SCRN3: variants seen among roughly 807,000 people sequenced by gnomAD.
SCRN3 encodes secernin-3.
A neutral mutation model predicts 43.1 loss-of-function variants in SCRN3; 39 were observed. The ratio of observed to expected loss-of-function variants is 0.91; its 90% confidence interval spans 0.70 to 1.18. The LOEUF (loss-of-function observed/expected upper bound fraction) is 1.18, where lower values mean the gene tolerates loss of function less well. Ranked by LOEUF, SCRN3 falls within the 50% of genes most tolerant of loss-of-function variation. The probability of loss-of-function intolerance (pLI) is 0.00; values close to 1 mark genes in which losing one functional copy is unlikely to be tolerated. For missense variants in SCRN3, 484 were observed against 498.0 expected, an observed-to-expected ratio of 0.97 and a Z score of 0.27; for synonymous variants, 147 against 163.1, an observed-to-expected ratio of 0.90 and a Z score of 0.75.
At chr2:174,415,248 T>C (rs1197041844) in intron 5 of SCRN3, among the ~76,000 whole-genome samples, 1 of 145,340 alleles carries the variant, frequency 6.9e-6, no homozygotes, top group African/African-American at 2.4e-5. Flanking sequence ...TGCTTATCAA[T>C]AGAGGATTTT....
At chr2:174,404,412 GT>G (rs1685618548) in intron 5 of SCRN3, 97 bp downstream of exon 5, 3 of 752,550 alleles carry the variant, frequency 4.0e-6, no homozygotes, top group Non-Finnish European at 6.2e-6. Context: ...ATTATAATTA[GT>G]AAAAATATTG....
chr2:174,412,506 G>T (rs1685956679), intron 5 of SCRN3, among the ~76,000 whole-genome samples: 1 of 152,170 alleles, frequency 6.6e-6, no homozygotes, highest in Non-Finnish European at 1.5e-5. Flanking sequence ...CCCATCTAGA[G>T]GAATTGTGGT....
intron 4 of SCRN3, among the ~76,000 whole-genome samples, chr2:174,401,517 A>C (rs1469672631): frequency 1.3e-5 from 2 of 152,134 alleles, no homozygotes; most frequent in Non-Finnish European, 2.9e-5. Context: ...TTTGGGCTGC[A>C]CTCCAAAATC....
At position 174,405,678 on chromosome 2, in the gene SCRN3, C is replaced by T. The variant is rs1333472654; in HGVS notation, c.754+1363C>T. Among the ~76,000 whole-genome samples the T allele has an allele frequency of 7.5e-5, 11 of 147,148 alleles. No homozygotes were observed. The Admixed American group carries it at 7.5e-4, about 10-fold the overall frequency. On this transcript the variant is annotated intron_variant, in intron 5 of 7. Transcript: ENST00000272732. Reference sequence around the variant, plus strand: ...TCCAGTTTCAGCTTCCTACATATGGCTAGCCAGTTTTCCCAGCACCATTTA... The same window carrying T: ...TCCAGTTTCAGCTTCCTACATATGGTTAGCCAGTTTTCCCAGCACCATTTA...
chr2:174,403,591 C>A (rs1350721166), intron 4 of SCRN3, among the ~76,000 whole-genome samples: 1 of 152,078 alleles, frequency 6.6e-6, no homozygotes, highest in Non-Finnish European at 1.5e-5. Flanking sequence ...GAATTGTGCT[C>A]AGTAAAACCA....
At chr2:174,419,576 T>G (rs1019737415) in intron 5 of SCRN3, among the ~76,000 whole-genome samples, 1 of 151,470 alleles carries the variant, frequency 6.6e-6, no homozygotes, top group African/African-American at 2.4e-5. Flanking sequence ...GACGGCGGAC[T>G]TGCCATGTTG....
chr2:174,414,269 CAT>C (rs1265453093), intron 5 of SCRN3, among the ~76,000 whole-genome samples: 3 of 152,274 alleles, frequency 2.0e-5, no homozygotes, highest in East Asian at 3.9e-4. Flanking sequence ...AATATATTCA[CAT>C]GATTCAAAAT....
chr2:174,424,614 C>T lies in SCRN3; in HGVS notation c.1057C>T (p.His353Tyr). 1 of 1,612,718 alleles carries T rather than the reference C, an allele frequency of 6.2e-7. No homozygotes were observed. Among genetic ancestry groups the T allele is most frequent in the Non-Finnish European group, 8.5e-7 (1 of 1,179,218 alleles). The part of the protein sequence containing the change: ...PDRRHPLYQK[H>Y]QQALEVVNNN... ...CAGAAGACACCCACTCTACCAAAAACATCAACAGGCATTGGAAGTAGTAAA... is the reference window on the plus strand; with the variant it reads ...CAGAAGACACCCACTCTACCAAAAATATCAACAGGCATTGGAAGTAGTAAA... The change falls in exon 7 of 8, where the codon CAT becomes TAT. Residue 353 changes from histidine to tyrosine, a missense_variant. Physicochemically the swap from His to Tyr is moderately conservative, Grantham distance 83. Coordinates refer to ENST00000272732, the MANE Select transcript of SCRN3 (RefSeq NM_024583.5).
intron 4 of SCRN3, among the ~76,000 whole-genome samples, chr2:174,401,489 A>G (rs933938990): frequency 6.6e-6 from 1 of 152,116 alleles, no homozygotes; most frequent in Non-Finnish European, 1.5e-5. Flanking sequence ...ATCCCTTACA[A>G]TTTCTTCCCC....
intron 5 of SCRN3, among the ~76,000 whole-genome samples, chr2:174,414,051 G>A (rs1157952618): frequency 6.6e-6 from 1 of 152,122 alleles, no homozygotes; most frequent in Admixed American, 6.6e-5. Flanking sequence ...GCTTCATTCT[G>A]TCTCCCAACT....
Position 174,429,319 on chromosome 2 carries a change from C to T in SCRN3, c.*1424C>T, listed in dbSNP as rs188329795. 9.2e-5 allele frequency: 14 copies of T among 152,278 alleles called. No individual in the cohort carries two copies. In the East Asian group the frequency reaches 2.1e-3, roughly 23 times the overall value. 9.4% of individuals were successfully genotyped at this position (152,278 alleles called of 1,614,324 possible). On this transcript the variant is annotated 3_prime_UTR_variant, in exon 8 of 8. Coordinates refer to ENST00000272732, the MANE Select transcript of SCRN3 (RefSeq NM_024583.5). Reference sequence around the variant, plus strand: ...CTGCCACCTTGGCCTAAACTAGCACCGTCTTTTAGCTAGACCATTGCGTTA... The same window carrying T: ...CTGCCACCTTGGCCTAAACTAGCACTGTCTTTTAGCTAGACCATTGCGTTA...
At chr2:174,403,793 A>G (rs916733646) in intron 4 of SCRN3, among the ~76,000 whole-genome samples, 6 of 152,178 alleles carry the variant, frequency 3.9e-5, no homozygotes, top group African/African-American at 1.4e-4. Flanking sequence ...AGCAATACCA[A>G]TATTCTGGTT....
At chr2:174,403,881 TA>T (rs563778195) in intron 4 of SCRN3, among the ~76,000 whole-genome samples, 5 of 144,620 alleles carry the variant, frequency 3.5e-5, no homozygotes, top group African/African-American at 1.2e-4. Flanking sequence ...CTCTCAGTAT[TA>T]TTTTTTTATA....
At position 174,428,627 on chromosome 2, in the gene SCRN3, ATC is replaced by A. The variant is rs1686569181; in HGVS notation, c.*739_*740del. On this transcript the variant is annotated 3_prime_UTR_variant, in exon 8 of 8. Transcript: ENST00000272732. ...AGGATATACTGTTTCTGGGTCTGAA[ATC>A]TCTCTCATTGTTTACTTCTGTTCAC... 6.6e-6 allele frequency: 1 copy of A among 152,198 alleles called. No homozygotes were observed. Among genetic ancestry groups the A allele is most frequent in the Non-Finnish European group, 1.5e-5 (1 of 68,024 alleles). 9.4% of individuals were successfully genotyped at this position (152,198 alleles called of 1,614,324 possible). A position where few individuals can be genotyped will look rare whatever the true frequency, so the allele number is the denominator to read the frequency against.
intron 7 of SCRN3, among the ~76,000 whole-genome samples, chr2:174,425,068 C>A (rs1385509101): frequency 6.6e-6 from 1 of 152,086 alleles, no homozygotes; most frequent in Non-Finnish European, 1.5e-5. Flanking sequence ...AGCGGTTGAC[C>A]TGGTTTCTTA....
rs543288478 is a variant in SCRN3 at position 174,418,095 on chromosome 2, A to T, written c.755-4790A>T. 1.4e-4 allele frequency among the ~76,000 whole-genome samples: 22 copies of T among 152,330 alleles called. No individual in the cohort carries two copies. In the South Asian group the frequency reaches 4.6e-3, roughly 32 times the overall value. On this transcript the variant is annotated intron_variant, in intron 5 of 7. Coordinates refer to ENST00000272732, the MANE Select transcript of SCRN3 (RefSeq NM_024583.5). The stretch of plus-strand genomic sequence containing the variant: ...TAATTGGACAAAAGAAAGAAAGAAA[A>T]AAGAAATAATTATAAGCCAATTAGC...
intron 7 of SCRN3, among the ~76,000 whole-genome samples, chr2:174,426,769 C>T (rs1019636342): frequency 2.1e-5 from 3 of 143,434 alleles, no homozygotes; most frequent in African/African-American, 7.5e-5. Context: ...GAGACTCCAT[C>T]TCCAAAACAA....
chr2:174,425,340 A>G lies in SCRN3; in HGVS notation c.1092+691A>G, dbSNP rs1004121726. Among the ~76,000 whole-genome samples the G allele has an allele frequency of 2.5e-4, 38 of 152,182 alleles. 2 individuals are homozygous for G. Among genetic ancestry groups the G allele is most frequent in the African/African-American group, 7.2e-5 (3 of 41,458 alleles). On this transcript the variant is annotated intron_variant, in intron 7 of 7. Coordinates refer to ENST00000272732, the MANE Select transcript of SCRN3 (RefSeq NM_024583.5). ...AGCTCGCTAAAGAAAAATAATGGAT[A>G]AGAAGCGAATAGAAAGGCTGCCTAA...
intron 5 of SCRN3, among the ~76,000 whole-genome samples, chr2:174,414,970 C>T (rs1686054498): frequency 6.6e-6 from 1 of 151,984 alleles, no homozygotes; most frequent in Non-Finnish European, 1.5e-5. Flanking sequence ...ACCGTGTTGG[C>T]CAGGCTGGTC....
Sources: allele counts gnomAD v4.1 joint callset (sites outside exome capture counted in the v4.1 genomes callset), GRCh38; gene constraint gnomAD v4.1.1; transcripts MANE v1.5; gene names NCBI Gene and HGNC (gene_info 2026-07-23, HGNC 2026-07-21).